ZMYND8: variants seen among roughly 807,000 people sequenced by gnomAD.
The protein encoded by ZMYND8 is MYND-type zinc finger-containing chromatin reader ZMYND8.
Under a neutral mutation model 140.8 loss-of-function variants are expected in ZMYND8, and 37 were observed. The ratio of observed to expected loss-of-function variants is 0.26; its 90% CI spans 0.20 to 0.35. The LOEUF is 0.35. Among genes scored for constraint, ZMYND8 ranks in the 10% least tolerant of loss-of-function variants. The probability of loss-of-function intolerance (pLI) is 1.00; values close to 1 mark genes in which losing one functional copy is unlikely to be tolerated. For missense variants in ZMYND8, 1,068 were observed against 1,570.0 expected (o/e 0.68, Z 5.40); for synonymous variants, 592 against 597.1 (o/e 0.99, Z 0.12).
At chr20:47,346,946 AGACGCCTTTAG>A (rs1385037754) in intron 2 of ZMYND8, among the ~76,000 whole-genome samples, 2 of 152,152 alleles carry the variant, frequency 1.3e-5, no homozygotes, top group African/African-American at 4.8e-5. Flanking sequence ...TTTTGGTTTC[AGACGCCTTTAG>A]GGAGTCACTT....
At chr20:47,290,748 T>C (rs752952221) in intron 6 of ZMYND8, among the ~76,000 whole-genome samples, 6 of 151,796 alleles carry the variant, frequency 4.0e-5, no homozygotes, top group African/African-American at 9.7e-5. Flanking sequence ...TGTGCTACCA[T>C]GCCCAGCTCA....
intron 21 of ZMYND8, among the ~76,000 whole-genome samples, chr20:47,214,018 C>G (rs2035685976): frequency 6.6e-6 from 1 of 151,970 alleles, no homozygotes; most frequent in Non-Finnish European, 1.5e-5. Flanking sequence ...GGCCCACACA[C>G]TAAGGGAGCT....
chr20:47,226,095 C>G (rs1433913790), intron 18 of ZMYND8, among the ~76,000 whole-genome samples: 1 of 148,898 alleles, frequency 6.7e-6, no homozygotes, highest in Non-Finnish European at 1.5e-5. Flanking sequence ...AGGCTGCAGT[C>G]AGCTGAGATT....
intron 21 of ZMYND8, among the ~76,000 whole-genome samples, chr20:47,220,046 A>G (rs1190893069): frequency 3.9e-5 from 6 of 152,184 alleles, no homozygotes; most frequent in African/African-American, 1.2e-4. Context: ...AGTAAATACA[A>G]TAGGTAATAC....
chr20:47,264,473 T>TA (rs1435414477), intron 11 of ZMYND8, among the ~76,000 whole-genome samples: 1 of 152,066 alleles, frequency 6.6e-6, no homozygotes, highest in Non-Finnish European at 1.5e-5. Flanking sequence ...GACAGGGTTT[T>TA]ACCATGTTGG....
At chr20:47,219,108 A>AG (rs1271730862) in intron 21 of ZMYND8, among the ~76,000 whole-genome samples, 1 of 132,544 alleles carries the variant, frequency 7.5e-6, no homozygotes, top group African/African-American at 2.9e-5. Context: ...TCCAGGCTGG[A>AG]GCGCAGTGGC....
chr20:47,235,173 A>G (rs1310637638), intron 16 of ZMYND8, among the ~76,000 whole-genome samples: 1 of 152,246 alleles, frequency 6.6e-6, no homozygotes, highest in Non-Finnish European at 1.5e-5. Flanking sequence ...TAATAATTGA[A>G]GCCAATAAAA....
chr20:47,242,537 T>G (rs1202371982), intron 14 of ZMYND8, among the ~76,000 whole-genome samples: 1 of 152,226 alleles, frequency 6.6e-6, no homozygotes, highest in Non-Finnish European at 1.5e-5. Context: ...TGCCTTCCTT[T>G]CCTGCCACAT....
intron 11 of ZMYND8, among the ~76,000 whole-genome samples, chr20:47,275,879 G>C (rs1396594537): frequency 6.6e-6 from 1 of 152,136 alleles, no homozygotes; most frequent in Non-Finnish European, 1.5e-5. Flanking sequence ...AAAGTGCTGG[G>C]ACTACAGGCA....
At chr20:47,303,720 A>C (rs2078260740) in intron 3 of ZMYND8, among the ~76,000 whole-genome samples, 1 of 152,110 alleles carries the variant, frequency 6.6e-6, no homozygotes, top group Admixed American at 6.6e-5. Flanking sequence ...AGCTGGAAGA[A>C]TCAAATATGA....
Position 47,246,260 on chromosome 20 carries a change from C to T in ZMYND8, c.2032G>A (p.Ala678Thr), listed in dbSNP as rs749712914. The T allele has an allele frequency of 6.2e-7, 1 of 1,614,192 alleles. No homozygotes were observed. Among genetic ancestry groups the T allele is most frequent in the Non-Finnish European group, 8.5e-7 (1 of 1,180,034 alleles). ...TTGTCCTTGACTGCTCCAGGGTCTGCCTTCTCGCTGGCTGGTGACGTGCTT... is the reference window on the plus strand; with the variant it reads ...TTGTCCTTGACTGCTCCAGGGTCTGTCTTCTCGCTGGCTGGTGACGTGCTT... Reference protein sequence around the residue: ...LKSTSPASEKADPGAVKDKAS... With the variant: ...LKSTSPASEKTDPGAVKDKAS... Residue 678 changes from alanine (A) to threonine (T), a missense_variant, in exon 14 of 23, where the codon GCA (alanine) becomes ACA (threonine). Ala to Thr is a moderately conservative substitution (Grantham distance 58, BLOSUM62 0). Coordinates refer to ENST00000471951, the MANE Select transcript of ZMYND8 (RefSeq NM_001281775.3).
chr20:47,269,104 C>A (rs546571712), intron 11 of ZMYND8, among the ~76,000 whole-genome samples: 2 of 152,262 alleles, frequency 1.3e-5, no homozygotes, highest in East Asian at 3.9e-4. Flanking sequence ...GGGGCTGAGG[C>A]AAGAGAACTG....
In ZMYND8 at chr20:47,249,281, G is replaced by A. The variant is rs1272065185; in HGVS notation, c.1774+6C>T. The A allele has an allele frequency of 6.2e-7, 1 of 1,611,332 alleles. No individual in the cohort carries two copies. The highest frequency in any genetic ancestry group is 8.5e-7 in the Non-Finnish European group (1 of 1,179,064). On this transcript the variant is annotated splice_donor_region_variant and intron_variant, in intron 13 of 22. Coordinates refer to ENST00000471951, the MANE Select transcript of ZMYND8 (RefSeq NM_001281775.3). ...CTGGAAAAAAAAAACAAAACCAAAG[G>A]TATACCTAATTGTGCTTTGCAACTC...
intron 4 of ZMYND8, among the ~76,000 whole-genome samples, chr20:47,295,575 C>A (rs1000098180): frequency 2.6e-5 from 4 of 152,146 alleles, no homozygotes; most frequent in African/African-American, 9.7e-5. Context: ...GACTTCCCTG[C>A]AGAAAGATTA....
At chr20:47,338,562 C>T (rs1342799961) in intron 2 of ZMYND8, among the ~76,000 whole-genome samples, 1 of 152,194 alleles carries the variant, frequency 6.6e-6, no homozygotes, top group Non-Finnish European at 1.5e-5. Flanking sequence ...CAGACTTCAG[C>T]TCTGGGAACC....
At chr20:47,270,714 A>G (rs397864665) in intron 11 of ZMYND8, among the ~76,000 whole-genome samples, 1 of 150,880 alleles carries the variant, frequency 6.6e-6, no homozygotes, top group Non-Finnish European at 1.5e-5. Flanking sequence ...AAAAAAAAAA[A>G]AAAAAGAAAG....
intron 11 of ZMYND8, among the ~76,000 whole-genome samples, chr20:47,270,670 G>C (rs1317835466): frequency 7.1e-6 from 1 of 140,246 alleles, no homozygotes; most frequent in East Asian, 2.1e-4. Context: ...AGACCAGCCT[G>C]GGCAACATAG....
intron 19 of ZMYND8, among the ~76,000 whole-genome samples, chr20:47,221,912 C>A (rs1488745032): frequency 6.6e-6 from 1 of 152,278 alleles, no homozygotes; most frequent in South Asian, 2.1e-4. Context: ...GGTGATCCAC[C>A]CACCTCGGCC....
chr20:47,316,030 G>A (rs992530033), intron 2 of ZMYND8, among the ~76,000 whole-genome samples: 11 of 152,102 alleles, frequency 7.2e-5, no homozygotes, highest in African/African-American at 2.7e-4. Flanking sequence ...AGGTCTACTG[G>A]GTATTAAGAA....
Sources: allele counts gnomAD v4.1 joint callset (sites outside exome capture counted in the v4.1 genomes callset), GRCh38; gene constraint gnomAD v4.1.1; transcripts MANE v1.5; gene names NCBI Gene and HGNC (gene_info 2026-07-23, HGNC 2026-07-21).